The following MPPED2 variants were observed in gnomAD, a reference collection of about 807,000 sequenced individuals.
The protein encoded by MPPED2 is metallophosphoesterase domain containing 2.
A neutral mutation model predicts 33.0 loss-of-function variants in MPPED2; 5 were observed. The observed-to-expected ratio is 0.15, with a 90% CI of 0.08 to 0.32. MPPED2 has a LOEUF of 0.32. Among genes scored for constraint, MPPED2 ranks in the 10% least tolerant of loss-of-function variants. MPPED2 has a pLI of 1.00. For missense variants in MPPED2, 275 were observed against 372.1 expected, an observed-to-expected ratio of 0.74 and a Z score of 2.15; for synonymous variants, 136 against 141.9, an observed-to-expected ratio of 0.96 and a Z score of 0.29.
intron 2 of MPPED2, among the ~76,000 whole-genome samples, chr11:30,555,074 A>T (rs1423891526): frequency 6.6e-6 from 1 of 150,720 alleles, no homozygotes; most frequent in Non-Finnish European, 1.5e-5. Flanking sequence ...CCCACAGGAC[A>T]AACTATTCTC....
chr11:30,431,143 C>CT (rs927783342), intron 4 of MPPED2, among the ~76,000 whole-genome samples: 2 of 152,050 alleles, frequency 1.3e-5, no homozygotes, highest in African/African-American at 2.4e-5. Flanking sequence ...TGATGTGGGG[C>CT]TTTTTTTGCA....
intron 3 of MPPED2, among the ~76,000 whole-genome samples, chr11:30,526,366 G>A (rs1038665757): frequency 2.0e-5 from 3 of 152,090 alleles, no homozygotes; most frequent in African/African-American, 7.2e-5. Context: ...ACCCTAAGTG[G>A]ATTTCTTGAA....
intron 2 of MPPED2, among the ~76,000 whole-genome samples, chr11:30,570,785 A>T (rs1661308203): frequency 1.3e-5 from 2 of 152,236 alleles, no homozygotes; most frequent in African/African-American, 4.8e-5. Context: ...ACAAATATGT[A>T]CAAGGTTTGA....
chr11:30,506,031 GTTATTA>G (rs577745420), intron 3 of MPPED2, among the ~76,000 whole-genome samples: 2 of 151,636 alleles, frequency 1.3e-5, no homozygotes, highest in Admixed American at 6.6e-5. Context: ...AATTATTATT[GTTATTA>G]TTATTATTAT....
downstream of MPPED2, among the ~76,000 whole-genome samples, chr11:30,406,824 C>G (rs2133717221): frequency 6.6e-6 from 1 of 152,300 alleles, no homozygotes; most frequent in South Asian, 2.1e-4. Context: ...TTCCAAATGC[C>G]TCACCTCATG....
chr11:30,386,116 G>T (rs763061245), exon 7 of MPPED2: 2 of 152,224 alleles, frequency 1.3e-5, no homozygotes, highest in Non-Finnish European at 2.9e-5. Context: ...GAGCATAAAA[G>T]TTTGGAAAAT....
At chr11:30,480,080 A>C (rs1246576622) in intron 4 of MPPED2, among the ~76,000 whole-genome samples, 2 of 152,094 alleles carry the variant, frequency 1.3e-5, no homozygotes, top group Non-Finnish European at 2.9e-5. Flanking sequence ...TGATCTAGAG[A>C]TCAGCAAAGG....
intron 3 of MPPED2, among the ~76,000 whole-genome samples, chr11:30,529,376 T>C (rs1014971411): frequency 6.6e-6 from 1 of 152,208 alleles, no homozygotes; most frequent in Non-Finnish European, 1.5e-5. Flanking sequence ...TAATGTTATG[T>C]GTATCTTACA....
chr11:30,431,955 A>G (rs767950487), intron 4 of MPPED2, among the ~76,000 whole-genome samples: 1 of 152,076 alleles, frequency 6.6e-6, no homozygotes, highest in South Asian at 2.1e-4. Context: ...TGGGTGGATC[A>G]CCTGAGGTCA....
chr11:30,578,998 T>C (rs1957046524), intron 2 of MPPED2, among the ~76,000 whole-genome samples: 1 of 100,650 alleles, frequency 9.9e-6, no homozygotes, highest in Non-Finnish European at 1.9e-5. Context: ...AGGATTGTCT[T>C]TTCCTTTTTT....
chr11:30,584,578 C>G (rs1221754952), intron 1 of MPPED2: 3 of 152,504 alleles, frequency 2.0e-5, no homozygotes, highest in Non-Finnish European at 4.4e-5. Context: ...TCTTTTTTCT[C>G]TCCCTCTTCC....
intron 2 of MPPED2, among the ~76,000 whole-genome samples, chr11:30,553,476 T>C (rs1286524646): frequency 1.3e-5 from 2 of 152,232 alleles, no homozygotes; most frequent in Non-Finnish European, 2.9e-5. Flanking sequence ...AAGTTGCATT[T>C]GCATTTCTTA....
At chr11:30,499,570 T>C (rs888671850) in intron 3 of MPPED2, among the ~76,000 whole-genome samples, 2 of 152,158 alleles carry the variant, frequency 1.3e-5, no homozygotes, top group Non-Finnish European at 2.9e-5. Flanking sequence ...CTCTCTTTGA[T>C]ATTTTGGGCC....
At chr11:30,427,996 T>C (rs1393540154) in intron 4 of MPPED2, among the ~76,000 whole-genome samples, 1 of 152,180 alleles carries the variant, frequency 6.6e-6, no homozygotes, top group Non-Finnish European at 1.5e-5. Flanking sequence ...CTTCCCTAGC[T>C]ACATCCCATT....
intron 4 of MPPED2, among the ~76,000 whole-genome samples, chr11:30,468,256 ACTCTCTCTCTC>A (rs1296141660): frequency 7.0e-6 from 1 of 142,834 alleles, no homozygotes; most frequent in Non-Finnish European, 1.5e-5. Context: ...ACACACACAC[ACTCTCTCTCTC>A]TCTCTCTCTC....
At chr11:30,475,340 T>C (rs2134085826) in intron 4 of MPPED2, among the ~76,000 whole-genome samples, 1 of 152,306 alleles carries the variant, frequency 6.6e-6, no homozygotes, top group South Asian at 2.1e-4. Context: ...TGTACAACTT[T>C]ATAAAATGTT....
intron 4 of MPPED2, among the ~76,000 whole-genome samples, chr11:30,460,344 G>A (rs1033116660): frequency 6.6e-6 from 1 of 152,164 alleles, no homozygotes; most frequent in South Asian, 2.1e-4. Flanking sequence ...ATCAGGCTGG[G>A]CGTGGTAGCT....
chr11:30,485,425 A>AATAACATGTGTAACATTTACACGTTACAC (rs57692213), intron 4 of MPPED2, among the ~76,000 whole-genome samples: 44,616 of 138,134 alleles, frequency 0.32, 7,403 homozygotes, highest in Middle Eastern at 0.46. Flanking sequence ...TAACAAGGTA[A>AATAACATGTGTAACATTTACACGTTACAC]ATAACATGTG....
At chr11:30,388,866 T>G (rs1389896692) in exon 7 of MPPED2, 1 of 1,539,130 alleles carries the variant, frequency 6.5e-7, no homozygotes, top group East Asian at 2.4e-5. Flanking sequence ...CAATTAATTG[T>G]GTCTATGCCA....
Sources: allele counts gnomAD v4.1 joint callset (sites outside exome capture counted in the v4.1 genomes callset), GRCh38; gene constraint gnomAD v4.1.1; transcripts MANE v1.5; gene names NCBI Gene and HGNC (gene_info 2026-07-23, HGNC 2026-07-21).